The following ANO6 variants were observed in gnomAD, a reference collection of about 807,000 sequenced individuals.
ANO6 encodes the protein anoctamin 6.
Under a neutral mutation model 117.5 loss-of-function variants are expected in ANO6, and 106 were observed. The observed-to-expected ratio is 0.90, with a 90% confidence interval of 0.77 to 1.06. ANO6 has a LOEUF of 1.06. Among genes scored for constraint, ANO6 ranks in the 50% least tolerant of loss-of-function variants. The pLI, the probability that ANO6 is intolerant of heterozygous loss-of-function variation, is 0.00. For missense variants in ANO6, 955 were observed against 1,121.1 expected (o/e 0.85, Z 2.12); for synonymous variants, 367 against 385.1 (o/e 0.95, Z 0.55).
intron 2 of ANO6, among the ~76,000 whole-genome samples, chr12:45,317,901 T>A (rs1323927734): frequency 6.6e-6 from 1 of 152,252 alleles, no homozygotes; most frequent in Admixed American, 6.5e-5. Flanking sequence ...CCTGTGTCTG[T>A]TGGCTGCATA....
At chr12:45,290,516 G>A (rs190774881) in intron 1 of ANO6, among the ~76,000 whole-genome samples, 19 of 152,292 alleles carry the variant, frequency 1.2e-4, no homozygotes, top group Non-Finnish European at 2.5e-4. Context: ...GCAAACCCAG[G>A]ATAATGTTGA....
At chr12:45,297,983 C>T (rs1421851116) in intron 1 of ANO6, among the ~76,000 whole-genome samples, 1 of 152,096 alleles carries the variant, frequency 6.6e-6, no homozygotes, top group Non-Finnish European at 1.5e-5. Flanking sequence ...TCTTGGCTTC[C>T]CTAGGGCCTT....
rs190592504 is a variant in ANO6 at position 45,260,796 on chromosome 12, T to A, written c.71-41218T>A. On this transcript the variant is annotated intron_variant, in intron 1 of 19. Coordinates refer to ENST00000320560, the MANE Select transcript of ANO6 (RefSeq NM_001025356.3). ...GTTTTATTTTTATTTTTATTTATTTTTTTTTAAGAGACGGGGTTTCTTGCT... is the reference window on the plus strand; with the variant it reads ...GTTTTATTTTTATTTTTATTTATTTATTTTTAAGAGACGGGGTTTCTTGCT... Among the ~76,000 whole-genome samples, 82 of 152,214 alleles carry A rather than the reference T, an allele frequency of 5.4e-4. No individual in the cohort carries two copies. In the East Asian group the frequency reaches 0.011, roughly 20 times the overall value.
At chr12:45,260,038 A>G (rs1481634675) in intron 1 of ANO6, among the ~76,000 whole-genome samples, 1 of 152,220 alleles carries the variant, frequency 6.6e-6, no homozygotes, top group Admixed American at 6.5e-5. Flanking sequence ...ATAACCTTGT[A>G]TATACTTTTG....
At chr12:45,335,222 G>T (rs982669785) in intron 3 of ANO6, among the ~76,000 whole-genome samples, 1 of 151,856 alleles carries the variant, frequency 6.6e-6, no homozygotes, top group Non-Finnish European at 1.5e-5. Context: ...GTAGGATAGA[G>T]AATTTTTTTA....
At chr12:45,236,885 C>T (rs1484156505) in intron 1 of ANO6, among the ~76,000 whole-genome samples, 5 of 152,190 alleles carry the variant, frequency 3.3e-5, no homozygotes, top group Non-Finnish European at 5.9e-5. Context: ...TCCTCTCCAG[C>T]ATCTGTTGTT....
intron 12 of ANO6, among the ~76,000 whole-genome samples, chr12:45,399,565 C>T (rs1199614077): frequency 6.6e-6 from 1 of 152,112 alleles, no homozygotes; most frequent in Non-Finnish European, 1.5e-5. Flanking sequence ...TAACAGATGT[C>T]TCCTCACTTC....
intron 3 of ANO6, among the ~76,000 whole-genome samples, chr12:45,339,825 T>C (rs772913493): frequency 1.1e-4 from 16 of 152,120 alleles, no homozygotes; most frequent in Non-Finnish European, 1.8e-4. Context: ...AAAAAAAGAT[T>C]GGCAAGTTGA....
intron 19 of ANO6, among the ~76,000 whole-genome samples, chr12:45,438,441 T>G (rs1026641074): frequency 6.6e-6 from 1 of 152,128 alleles, no homozygotes; most frequent in Non-Finnish European, 1.5e-5. Flanking sequence ...AGAAACTTTT[T>G]GAGTGCCAAT....
chr12:45,361,433 A>G (rs950711731), intron 8 of ANO6, among the ~76,000 whole-genome samples: 2 of 152,086 alleles, frequency 1.3e-5, no homozygotes, highest in South Asian at 4.1e-4. Flanking sequence ...CTCTAATAGT[A>G]TTTTGGGTGG....
chr12:45,305,742 A>G (rs1939647179), intron 2 of ANO6, among the ~76,000 whole-genome samples: 1 of 152,138 alleles, frequency 6.6e-6, no homozygotes. Flanking sequence ...AGGCGTCCAC[A>G]TGGTGATGGA....
chr12:45,298,488 CAG>C (rs1287277447), intron 1 of ANO6, among the ~76,000 whole-genome samples: 1 of 152,156 alleles, frequency 6.6e-6, no homozygotes, highest in East Asian at 1.9e-4. Flanking sequence ...GAATATCAAA[CAG>C]TAACTAGAGC....
At chr12:45,235,527 G>A (rs1293645057) in intron 1 of ANO6, among the ~76,000 whole-genome samples, 1 of 152,116 alleles carries the variant, frequency 6.6e-6, no homozygotes, top group African/African-American at 2.4e-5. Context: ...CTATTCAAAA[G>A]CAGCTTCTCA....
intron 1 of ANO6, among the ~76,000 whole-genome samples, chr12:45,230,497 C>A (rs1261524443): frequency 6.7e-6 from 1 of 149,954 alleles, no homozygotes; most frequent in African/African-American, 2.4e-5. Flanking sequence ...ATAAAATATA[C>A]AAGGGATGGT....
intron 12 of ANO6, among the ~76,000 whole-genome samples, chr12:45,395,328 C>G (rs1942580852): frequency 1.3e-5 from 2 of 152,162 alleles, no homozygotes; most frequent in Non-Finnish European, 2.9e-5. Context: ...ATAACAGGCT[C>G]TGAAATTGAG....
At chr12:45,381,219 G>A (rs907285846) in intron 10 of ANO6, among the ~76,000 whole-genome samples, 1 of 152,180 alleles carries the variant, frequency 6.6e-6, no homozygotes, top group Admixed American at 6.5e-5. Context: ...TGCATATTTT[G>A]TTTAGATACA....
chr12:45,340,038 G>A (rs1940936985), intron 3 of ANO6, among the ~76,000 whole-genome samples: 1 of 152,048 alleles, frequency 6.6e-6, no homozygotes. Context: ...GTAGATATTT[G>A]TGTTTACAAT....
At chr12:45,303,294 C>A (rs926156708) in intron 2 of ANO6, among the ~76,000 whole-genome samples, 1 of 152,206 alleles carries the variant, frequency 6.6e-6, no homozygotes, top group African/African-American at 2.4e-5. Context: ...AATATTCCTG[C>A]ATCTTAAAGT....
intron 4 of ANO6, 100 bp downstream of exon 4, chr12:45,347,187 G>A (rs1031368336): frequency 8.9e-7 from 1 of 1,119,198 alleles, no homozygotes; most frequent in Non-Finnish European, 1.4e-6. Flanking sequence ...TGCAGCCCTG[G>A]CCACATCTTA....
Sources: gnomAD v4.1 joint callset for allele counts (sites outside exome capture counted in the v4.1 genomes callset) on GRCh38, gnomAD v4.1.1 for gene constraint, MANE v1.5 for transcripts, NCBI Gene and HGNC (gene_info 2026-07-23, HGNC 2026-07-21) for gene names.